The following PTPRT variants were observed in gnomAD, a reference collection of about 807,000 sequenced individuals.
PTPRT encodes the protein protein tyrosine phosphatase receptor type T.
A neutral mutation model predicts 176.8 loss-of-function variants in PTPRT; 56 were observed. That is an observed-to-expected ratio of 0.32 (90% CI 0.26 to 0.40). The LOEUF (loss-of-function observed/expected upper bound fraction) is 0.40, where lower values mean the gene tolerates loss of function less well. Among genes scored for constraint, PTPRT ranks in the 10% least tolerant of loss-of-function variants. The pLI, the probability that PTPRT is intolerant of heterozygous loss-of-function variation, is 1.00. For synonymous variants in PTPRT, 783 were observed against 739.0 expected, an observed-to-expected ratio of 1.06 and a Z score of -0.96; for missense variants, 1,540 against 1,908.2, an observed-to-expected ratio of 0.81 and a Z score of 3.60.
intron 22 of PTPRT, among the ~76,000 whole-genome samples, chr20:42,111,906 G>A (rs1204094282): frequency 6.6e-6 from 1 of 152,170 alleles, no homozygotes; most frequent in Non-Finnish European, 1.5e-5. Flanking sequence ...ATGGGCACAG[G>A]CCTGGGGACA....
intron 7 of PTPRT, among the ~76,000 whole-genome samples, chr20:42,596,771 TAAAC>T (rs999531359): frequency 2.6e-5 from 4 of 152,182 alleles, no homozygotes; most frequent in Admixed American, 6.5e-5. Flanking sequence ...GGCCACAAAT[TAAAC>T]AAGTATATTT....
intron 7 of PTPRT, among the ~76,000 whole-genome samples, chr20:42,591,978 T>TC (rs1465478218): frequency 1.5e-5 from 2 of 137,574 alleles, no homozygotes; most frequent in Non-Finnish European, 3.1e-5. Flanking sequence ...GGAGATTCTT[T>TC]TTTTTTTTTT....
chr20:43,161,695 AT>A (rs1023856161), intron 1 of PTPRT, among the ~76,000 whole-genome samples: 1 of 151,700 alleles, frequency 6.6e-6, no homozygotes, highest in Middle Eastern at 3.4e-3. Context: ...GCTGTTCCTG[AT>A]TTTTTTTTAA....
chr20:42,116,875 G>T (rs1987309927), intron 21 of PTPRT, among the ~76,000 whole-genome samples: 1 of 152,142 alleles, frequency 6.6e-6, no homozygotes, highest in South Asian at 2.1e-4. Context: ...TCCATCAAGG[G>T]AATCTGTTTC....
intron 14 of PTPRT, among the ~76,000 whole-genome samples, chr20:42,242,369 G>T (rs1164717847): frequency 6.6e-6 from 1 of 152,172 alleles, no homozygotes; most frequent in African/African-American, 2.4e-5. Context: ...CTCAGTATTT[G>T]CAAGGCACAC....
chr20:43,093,924 C>G (rs1233973221), intron 1 of PTPRT, among the ~76,000 whole-genome samples: 1 of 152,110 alleles, frequency 6.6e-6, no homozygotes, highest in Non-Finnish European at 1.5e-5. Context: ...TCTTCCTTCT[C>G]AACCTTCAAG....
chr20:42,561,785 A>C (rs2072955575), intron 7 of PTPRT, among the ~76,000 whole-genome samples: 1 of 152,226 alleles, frequency 6.6e-6, no homozygotes, highest in African/African-American at 2.4e-5. Context: ...CGCACCGCTG[A>C]AGAGCATAAA....
intron 13 of PTPRT, among the ~76,000 whole-genome samples, chr20:42,280,332 G>A (rs2057118445): frequency 6.6e-6 from 1 of 152,116 alleles, no homozygotes; most frequent in Admixed American, 6.5e-5. Flanking sequence ...CTTCTTATCT[G>A]ATGTGGTGAG....
At chr20:42,958,057 G>T (rs206661) in intron 1 of PTPRT, among the ~76,000 whole-genome samples, 1 of 150,358 alleles carries the variant, frequency 6.7e-6, no homozygotes, top group Non-Finnish European at 1.5e-5. Flanking sequence ...CAGAGAGAGC[G>T]GCAGACAGGC....
chr20:42,634,056 AAATAT>A lies in PTPRT; in HGVS notation c.1153+43805_1153+43809del, dbSNP rs1361393400. ...ATTATATATATTATATATATATTAT[AAATAT>A]ATAATATATATATAATATATATATA... On this transcript the variant is annotated intron_variant, in intron 7 of 30. Coordinates refer to ENST00000373187, the MANE Select transcript of PTPRT (RefSeq NM_007050.6). Among the ~76,000 whole-genome samples, 52 of 36,738 alleles carry A rather than the reference AAATAT, an allele frequency of 1.4e-3. 4 individuals are homozygous for A. Among genetic ancestry groups the A allele is most frequent in the Admixed American group, 2.2e-3 (4 of 1,858 alleles). The allele number at this position is 36,738 out of a possible 152,430, so 24.1% of individuals were successfully genotyped here.
At chr20:42,404,987 TACACACACACACAA>T (rs2058946271) in intron 9 of PTPRT, among the ~76,000 whole-genome samples, 3 of 135,844 alleles carry the variant, frequency 2.2e-5, no homozygotes, top group African/African-American at 5.4e-5. Context: ...TATATATATA[TACACACACACACAA>T]ATATATAACA....
intron 3 of PTPRT, among the ~76,000 whole-genome samples, chr20:42,781,822 T>C (rs1290094322): frequency 2.0e-5 from 3 of 152,246 alleles, no homozygotes; most frequent in Non-Finnish European, 2.9e-5. Flanking sequence ...TTTCAATCTT[T>C]ATCTTACTTT....
intron 1 of PTPRT, among the ~76,000 whole-genome samples, chr20:42,957,638 G>A (rs1451412460): frequency 2.6e-5 from 4 of 152,124 alleles, no homozygotes; most frequent in Admixed American, 2.0e-4. Flanking sequence ...CATGGAAGAG[G>A]GGTGTCAGTT....
intron 1 of PTPRT, among the ~76,000 whole-genome samples, chr20:42,923,355 G>A (rs955690767): frequency 1.3e-5 from 2 of 152,200 alleles, no homozygotes; most frequent in African/African-American, 4.8e-5. Flanking sequence ...AAGACAATCT[G>A]TGCATTGATC....
chr20:42,828,945 AGCT>A (rs949369489), intron 2 of PTPRT, among the ~76,000 whole-genome samples: 1 of 152,052 alleles, frequency 6.6e-6, no homozygotes, highest in Non-Finnish European at 1.5e-5. Context: ...TACCTAGTGG[AGCT>A]GTGAGAAGAG....
intron 30 of PTPRT, 138 bp from the exon 31 acceptor site, chr20:42,081,070 A>C (rs1351288013): frequency 1.5e-6 from 1 of 661,438 alleles, no homozygotes; most frequent in Non-Finnish European, 2.6e-6. Flanking sequence ...TGTCAACTCA[A>C]AATTACCCAT....
the PTPRT span, among the ~76,000 whole-genome samples, chr20:42,066,289 G>A: frequency 2.0e-5 from 3 of 152,004 alleles, no homozygotes; most frequent in Admixed American, 6.6e-5. Flanking sequence ...TGATCTGCCC[G>A]CCTCAGCCTC....
Position 42,844,328 on chromosome 20 carries a change from T to C in PTPRT, c.214+41479A>G, listed in dbSNP as rs114616985. On this transcript the variant is annotated intron_variant, in intron 2 of 30. Transcript: ENST00000373187. ...GCAAGCCTACCAAATTCAAAAGGCA[T>C]GAAGAGAAAAATGAGAACTCCTATA... Among the ~76,000 whole-genome samples the C allele has an allele frequency of 2.0e-3, 306 of 152,284 alleles. 3 individuals are homozygous for C. Among genetic ancestry groups the C allele is most frequent in the African/African-American group, 7.1e-3 (297 of 41,548 alleles).
intron 18 of PTPRT, among the ~76,000 whole-genome samples, chr20:42,134,844 C>T (rs1228380923): frequency 1.3e-5 from 2 of 152,170 alleles, no homozygotes; most frequent in Admixed American, 6.6e-5. Context: ...AAGCCTAGCA[C>T]ACCCTGCAAT....
Sources: allele counts gnomAD v4.1 joint callset (sites outside exome capture counted in the v4.1 genomes callset), GRCh38; gene constraint gnomAD v4.1.1; transcripts MANE v1.5; gene names NCBI Gene and HGNC (gene_info 2026-07-23, HGNC 2026-07-21).